SMARCC2: variants seen among roughly 807,000 people sequenced by gnomAD.
SMARCC2 encodes SWI/SNF complex subunit SMARCC2.
A neutral mutation model predicts 151.3 loss-of-function variants in SMARCC2; 15 were observed. That is an observed-to-expected ratio of 0.10 (90% CI 0.07 to 0.15). The LOEUF (loss-of-function observed/expected upper bound fraction) is 0.15, where lower values mean the gene tolerates loss of function less well. Among genes scored for constraint, SMARCC2 ranks in the 10% least tolerant of loss-of-function variants. The probability of loss-of-function intolerance (pLI) is 1.00; values close to 1 mark genes in which losing one functional copy is unlikely to be tolerated. For synonymous variants in SMARCC2, 590 were observed against 609.5 expected (o/e 0.97, Z 0.47); for missense variants, 1,031 against 1,599.7 (o/e 0.64, Z 6.06).
intron 6 of SMARCC2, 78 bp downstream of exon 6, chr12:56,184,097 G>T: frequency 8.7e-7 from 1 of 1,150,296 alleles, no homozygotes; most frequent in Non-Finnish European, 1.3e-6. Flanking sequence ...AGGAGCCCAG[G>T]TACTGAATGG....
rs1873997758 is a variant in SMARCC2, at chr12:56,171,762, C to A, written c.2102G>T (p.Gly701Val). ...AYQPIPFSQS[G>V]NPVMSTVAFL... is the part of the protein sequence containing the mutation. The stretch of plus-strand genomic sequence containing the variant: ...GGCAACAGTGCTCATAACAGGGTTG[C>A]CCGACTGACTGAAGGGGATGGGTTG... Residue 701 changes from glycine to valine, a missense_variant, in exon 21 of 29, where the codon GGC becomes GTC. Coordinates refer to ENST00000550164, the MANE Select transcript of SMARCC2 (RefSeq NM_001330288.2). The surrounding 1 kb of genome is among the most constrained non-coding windows in gnomAD (Gnocchi z 4.2). The A allele has an allele frequency of 1.2e-6, 2 of 1,611,990 alleles. No homozygotes were observed. The highest frequency in any genetic ancestry group is 1.7e-6 in the Non-Finnish European group (2 of 1,179,050).
chr12:56,177,974 T>G (rs774174062), intron 15 of SMARCC2, 48 bp downstream of exon 15: 3 of 1,258,756 alleles, frequency 2.4e-6, no homozygotes, highest in Non-Finnish European at 3.5e-6. Context: ...GAAGGGTGAA[T>G]GTGGGGACAG....
In SMARCC2 at chr12:56,168,063, T is replaced by A. The variant is rs1873181838; in HGVS notation, c.2847A>T (p.Glu949Asp). Reference sequence around the variant, plus strand: ...TTCCAGGGCTCCTGCTACTCACTGCTTCTCGCTCCCGGTCCATGATAGTCT... The same window carrying A: ...TTCCAGGGCTCCTGCTACTCACTGCATCTCGCTCCCGGTCCATGATAGTCT... Reference protein sequence around the residue: ...ELETIMDREREALEYQRQQLL... With the variant: ...ELETIMDRERDALEYQRQQLL... Residue 949 changes from glutamate to aspartate, a missense_variant, in exon 26 of 29, where the codon GAA becomes GAT. Physicochemically the swap from Glu to Asp is conservative, Grantham distance 45. Coordinates refer to ENST00000550164, the MANE Select transcript of SMARCC2 (RefSeq NM_001330288.2). 2 of 1,612,476 alleles carry A rather than the reference T, an allele frequency of 1.2e-6. No homozygotes were observed. The highest frequency in any genetic ancestry group is 1.7e-6 in the Non-Finnish European group (2 of 1,179,646).
chr12:56,186,364 T>G, intron 2 of SMARCC2, 124 bp from the exon 3 acceptor site: 1 of 681,832 alleles, frequency 1.5e-6, no homozygotes, highest in Non-Finnish European at 2.5e-6. Context: ...TTTTTTTTTT[T>G]TTTGAGATGG....
intron 23 of SMARCC2, 28 bp downstream of exon 23, chr12:56,170,116 C>T: frequency 1.3e-6 from 2 of 1,597,890 alleles, no homozygotes; most frequent in Non-Finnish European, 8.6e-7. Context: ...GCACGCAGCC[C>T]CTGCAGCTTC....
In SMARCC2 at chr12:56,176,876, C is replaced by T. The variant is rs572100469; in HGVS notation, c.1382+1146G>A. Reference sequence around the variant, plus strand: ...CACTCTTGTTGCCCAGGCTGGAGTGCAATGGCGTAATCTCGGCTCACTGCA... The same window carrying T: ...CACTCTTGTTGCCCAGGCTGGAGTGTAATGGCGTAATCTCGGCTCACTGCA... On this transcript the variant is annotated intron_variant, in intron 15 of 28. Transcript: ENST00000550164. 2.1e-3 allele frequency among the ~76,000 whole-genome samples: 313 copies of T among 151,860 alleles called. 5 individuals carry two copies. Among genetic ancestry groups the T allele is most frequent in the Non-Finnish European group, 5.0e-4 (34 of 67,960 alleles).
intron 7 of SMARCC2, 71 bp downstream of exon 7, chr12:56,183,790 C>G: frequency 1.0e-6 from 1 of 1,004,966 alleles, no homozygotes; most frequent in Non-Finnish European, 1.5e-6. Context: ...TGGCCTCTTG[C>G]TCTGCTAGAT....
chr12:56,179,029 G>T lies in SMARCC2; in HGVS notation c.1109C>A (p.Ala370Asp). ...TVNTKKDSES[A>D]PVKGGTMTDL... ...GGTCATGGTGCCGCCTTTGACTGGGGCCGACTCTGAGTCTTTCTTTGTGTT... is the reference window on the plus strand; with the variant it reads ...GGTCATGGTGCCGCCTTTGACTGGGTCCGACTCTGAGTCTTTCTTTGTGTT... The change falls in exon 12 of 29, where the codon GCC becomes GAC. Residue 370 changes from alanine to aspartate, a missense_variant. Ala to Asp is a moderately radical substitution (Grantham distance 126). Coordinates refer to ENST00000550164, the MANE Select transcript of SMARCC2 (RefSeq NM_001330288.2). 6.2e-7 allele frequency: 1 copy of T among 1,614,160 alleles called. No individual in the cohort carries two copies. Among genetic ancestry groups the T allele is most frequent in the Middle Eastern group, 1.6e-4 (1 of 6,062 alleles).
chr12:56,178,922 CT>C, intron 12 of SMARCC2, 74 bp downstream of exon 12: 1 of 1,603,402 alleles, frequency 6.2e-7, no homozygotes, highest in Admixed American at 1.7e-5. Flanking sequence ...GCCCATCAGG[CT>C]AGCGAAAAGG....
At chr12:56,170,099 C>T (rs377567169) in intron 23 of SMARCC2, 45 bp downstream of exon 23, 1 of 1,550,830 alleles carries the variant, frequency 6.4e-7, no homozygotes, top group South Asian at 1.1e-5. Flanking sequence ...CCCATCACCA[C>T]AGTGCTGCAC....
intron 27 of SMARCC2, 78 bp downstream of exon 27, chr12:56,165,240 T>C: frequency 2.8e-6 from 4 of 1,424,300 alleles, no homozygotes; most frequent in Non-Finnish European, 3.7e-6. Flanking sequence ...CACACTCATC[T>C]TGTATCCCCT....
Position 56,171,185 on chromosome 12 carries a change from C to A in SMARCC2, c.2347+86G>T. 7.3e-7 allele frequency: 1 copy of A among 1,373,612 alleles called. No individual in the cohort carries two copies. Among genetic ancestry groups the A allele is most frequent in the Non-Finnish European group, 1.0e-6 (1 of 972,666 alleles). The allele number at this position is 1,373,612 out of a possible 1,614,324, so 85.1% of individuals were successfully genotyped here. On this transcript the variant is annotated intron_variant, in intron 22 of 28. Coordinates refer to ENST00000550164, the MANE Select transcript of SMARCC2 (RefSeq NM_001330288.2). This position sits in a 1 kb window ranked among gnomAD's most constrained non-coding sequence, Gnocchi z 4.2. The stretch of plus-strand genomic sequence containing the variant: ...TTCTCATTCATGTTGTGCTCTAATG[C>A]CAACTTGAGGCAGAAATGGCACAGG...
intron 5 of SMARCC2, 33 bp downstream of exon 5, chr12:56,184,811 G>T: frequency 1.5e-6 from 2 of 1,294,918 alleles, no homozygotes; most frequent in Non-Finnish European, 2.2e-6. Flanking sequence ...CAGTCATGGA[G>T]TTTCTGAAAC....
intron 15 of SMARCC2, 51 bp from the exon 16 acceptor site, chr12:56,174,815 A>G: frequency 8.5e-7 from 1 of 1,174,114 alleles, no homozygotes; most frequent in African/African-American, 1.5e-5. Context: ...AATGTTTGTT[A>G]AAGGGCTAAA....
In SMARCC2 at chr12:56,164,331, G is replaced by C; in HGVS notation, c.3633C>G (p.Asn1211Lys). The change falls in exon 28 of 29, where the codon AAC becomes AAG. Residue 1211 changes from asparagine (N) to lysine (K), a missense_variant. By Grantham distance (94) the Asn-to-Lys change is moderately conservative (BLOSUM62 0). Coordinates refer to ENST00000550164, the MANE Select transcript of SMARCC2 (RefSeq NM_001330288.2). ...GCAGTGGGCTGGCACTGGGCAGGAG[G>C]TTGCCCTGAACAGCTGCCACAATGG... ...SPAIVAAVQG[N>K]LLPSASPLPD... The C allele has an allele frequency of 6.2e-7, 1 of 1,613,292 alleles. No homozygotes were observed. Among genetic ancestry groups the C allele is most frequent in the Non-Finnish European group, 8.5e-7 (1 of 1,179,950 alleles).
chr12:56,167,246 G>A (rs1158480729), intron 26 of SMARCC2, among the ~76,000 whole-genome samples: 1 of 152,128 alleles, frequency 6.6e-6, no homozygotes, highest in Non-Finnish European at 1.5e-5. Context: ...AGCTACTGGG[G>A]AGGCTGAGGC....
chr12:56,172,995 C>T lies in SMARCC2; in HGVS notation c.1685G>A (p.Arg562Gln). 1.2e-6 allele frequency: 2 copies of T among 1,614,096 alleles called. No homozygotes were observed. Among genetic ancestry groups the T allele is most frequent in the Non-Finnish European group, 1.7e-6 (2 of 1,180,032 alleles). ...CAGGTCATCCAGCTCTTTGCCCTTT[C>T]GCCCAGCCTTGGTATCAGCATCAAC... ...RQVDADTKAG[R>Q]KGKELDDLVP... Residue 562 changes from arginine to glutamine, a missense_variant, in exon 18 of 29, where the codon CGA (arginine) becomes CAA (glutamine). By Grantham distance (43) the Arg-to-Gln change is conservative. Around this residue, in one of 12 missense-constraint regions of SMARCC2, gnomAD observed 99 missense variants for 148.3 expected, o/e 0.67. Transcript: ENST00000550164.
intron 5 of SMARCC2, 58 bp from the exon 6 acceptor site, chr12:56,184,302 T>C: frequency 7.8e-7 from 1 of 1,289,618 alleles, no homozygotes; most frequent in South Asian, 1.2e-5. Flanking sequence ...ACTCAAGGTT[T>C]AGCCACAGAG....
In SMARCC2 at chr12:56,172,068, C is replaced by T; in HGVS notation, c.1927-131G>A. ...CTGGTATTTGTGTACTCTGCTAGGT[C>T]CAAGGGGGATCTTGAAGTAGCACTA... is the stretch of plus-strand genomic sequence containing the variant. On this transcript the variant is annotated intron_variant, in intron 20 of 28. Transcript: ENST00000550164. The T allele has an allele frequency of 4.0e-6, 3 of 756,696 alleles. No individual in the cohort carries two copies. The East Asian group carries it at 8.1e-5, about 20-fold the overall frequency. 46.9% of individuals were successfully genotyped at this position (756,696 alleles called of 1,614,324 possible). A position where few individuals can be genotyped will look rare whatever the true frequency, so the allele number is the denominator to read the frequency against.
Sources: gnomAD v4.1 joint callset for allele counts (sites outside exome capture counted in the v4.1 genomes callset) on GRCh38, gnomAD v4.1.1 for gene constraint, gnomAD v4.1.1 regional missense constraint, Gnocchi (gnomAD v3.1) non-coding constraint, MANE v1.5 for transcripts, NCBI Gene and HGNC (gene_info 2026-07-23, HGNC 2026-07-21) for gene names.